GIGYF2: variants seen among roughly 807,000 people sequenced by gnomAD.
The protein encoded by GIGYF2 is GRB10 interacting GYF protein 2, also known as GRB10-interacting GYF protein 2.
In GIGYF2, 25 loss-of-function variants were observed where a neutral mutation model predicts 208.1. The ratio of observed to expected loss-of-function variants is 0.12; its 90% confidence interval spans 0.09 to 0.17. GIGYF2 has a LOEUF of 0.17. Among genes scored for constraint, GIGYF2 ranks in the 10% least tolerant of loss-of-function variants. The pLI is 1.00. For synonymous variants in GIGYF2, 534 were observed against 543.8 expected (o/e 0.98, Z 0.25); for missense variants, 1,302 against 1,579.4 (o/e 0.82, Z 2.98).
At chr2:232,731,487 C>T (rs1361683453) in intron 2 of GIGYF2, among the ~76,000 whole-genome samples, 2 of 152,162 alleles carry the variant, frequency 1.3e-5, no homozygotes, top group Non-Finnish European at 2.9e-5. Flanking sequence ...TAAAACCGCT[C>T]CTTCAGGATG....
intron 28 of GIGYF2, among the ~76,000 whole-genome samples, chr2:232,853,520 G>A (rs1355490451): frequency 6.6e-6 from 1 of 152,164 alleles, no homozygotes; most frequent in Non-Finnish European, 1.5e-5. Flanking sequence ...TGATCTGCCC[G>A]CCTTGGCCTG....
intron 2 of GIGYF2, among the ~76,000 whole-genome samples, chr2:232,709,328 G>A (rs1469657967): frequency 6.6e-6 from 1 of 152,090 alleles, no homozygotes; most frequent in Admixed American, 6.6e-5. Context: ...AATTTTGATT[G>A]CAAAATTTCA....
chr2:232,730,987 C>T (rs1301902431), intron 2 of GIGYF2: 2 of 151,726 alleles, frequency 1.3e-5, no homozygotes, highest in South Asian at 2.1e-4. Context: ...GTTGGGTTCC[C>T]AGCTCAAGAC....
intron 5 of GIGYF2, among the ~76,000 whole-genome samples, chr2:232,753,656 G>A (rs1325008145): frequency 7.2e-5 from 11 of 152,106 alleles, no homozygotes; most frequent in Non-Finnish European, 1.2e-4. Flanking sequence ...AATGTGTTGC[G>A]TGCTTGCAGT....
intron 8 of GIGYF2, among the ~76,000 whole-genome samples, chr2:232,769,835 A>G (rs2106337452): frequency 6.6e-6 from 1 of 152,342 alleles, no homozygotes; most frequent in South Asian, 2.1e-4. Flanking sequence ...AAATGTTATT[A>G]TAGTACTATA....
intron 16 of GIGYF2, chr2:232,810,404 A>T (rs778313149): frequency 1.9e-5 from 3 of 154,242 alleles, no homozygotes; most frequent in Non-Finnish European, 2.9e-5. Flanking sequence ...GAGGAAAAAA[A>T]ATATATATGT....
intron 8 of GIGYF2, among the ~76,000 whole-genome samples, chr2:232,770,602 T>C (rs1699197628): frequency 9.8e-6 from 1 of 102,324 alleles, no homozygotes; most frequent in African/African-American, 3.3e-5. Flanking sequence ...TTTAAACCTT[T>C]TGTTAATTTT....
At chr2:232,851,413 A>ATTTTTTTTTTT (rs5839451) in intron 28 of GIGYF2, among the ~76,000 whole-genome samples, 3 of 149,088 alleles carry the variant, frequency 2.0e-5, no homozygotes, top group Non-Finnish European at 1.5e-5. Flanking sequence ...TGAAACTAAC[A>ATTTTTTTTTTT]TTTTTTTTTT....
chr2:232,785,140 T>C (rs1050816113), intron 8 of GIGYF2, among the ~76,000 whole-genome samples: 2 of 152,066 alleles, frequency 1.3e-5, no homozygotes, highest in African/African-American at 4.8e-5. Flanking sequence ...TTTATAGCCA[T>C]GCAAAATGGA....
chr2:232,781,915 C>A (rs1409122735), intron 8 of GIGYF2, among the ~76,000 whole-genome samples: 2 of 152,146 alleles, frequency 1.3e-5, no homozygotes, highest in African/African-American at 2.4e-5. Context: ...TTACTGGTAT[C>A]CCTATCCTTG....
chr2:232,733,257 CAAAAA>C (rs397868481), intron 2 of GIGYF2, among the ~76,000 whole-genome samples: 1 of 91,202 alleles, frequency 1.1e-5, no homozygotes, highest in Non-Finnish European at 2.3e-5. Flanking sequence ...ACTCTTGTCT[CAAAAA>C]AAAAAAAAAA....
chr2:232,707,829 G>A (rs976440286), intron 2 of GIGYF2, among the ~76,000 whole-genome samples: 2 of 151,836 alleles, frequency 1.3e-5, no homozygotes, highest in Admixed American at 1.3e-4. Flanking sequence ...GTAGAGACTG[G>A]GTTTCACCAT....
At chr2:232,740,880 A>G (rs1697944982) in intron 3 of GIGYF2, among the ~76,000 whole-genome samples, 1 of 152,224 alleles carries the variant, frequency 6.6e-6, no homozygotes, top group Admixed American at 6.5e-5. Context: ...CTGAAGGAGT[A>G]GTAAATTAGA....
intron 3 of GIGYF2, among the ~76,000 whole-genome samples, chr2:232,742,618 A>G (rs1439392042): frequency 6.6e-6 from 1 of 152,198 alleles, no homozygotes; most frequent in African/African-American, 2.4e-5. Flanking sequence ...ATCGTTCAGG[A>G]TGCATTTGCA....
rs529326539 is a variant in GIGYF2, at chr2:232,726,778, A to G, written c.-43-8377A>G. 3.9e-5 allele frequency among the ~76,000 whole-genome samples: 6 copies of G among 152,334 alleles called. No individual in the cohort carries two copies. The South Asian group carries it at 1.2e-3, about 32-fold the overall frequency. On this transcript the variant is annotated intron_variant, in intron 2 of 28. Transcript: ENST00000373563. ...CTCCATACCTCTAGTTCTTCTTTCT[A>G]GAGGACTATCACTTAGGTGAACTTC...
At chr2:232,774,865 C>G (rs555011482) in intron 8 of GIGYF2, among the ~76,000 whole-genome samples, 18 of 152,184 alleles carry the variant, frequency 1.2e-4, no homozygotes, top group Non-Finnish European at 2.5e-4. Flanking sequence ...TAGAGCCTTT[C>G]TGTATAGACT....
intron 2 of GIGYF2, among the ~76,000 whole-genome samples, chr2:232,711,373 T>G (rs117303141): frequency 0.027 from 4,096 of 151,654 alleles, 68 homozygotes; most frequent in Non-Finnish European, 0.032. Flanking sequence ...TCTTAGGATC[T>G]CTTTACCCTC....
intron 23 of GIGYF2, 104 bp downstream of exon 23, chr2:232,840,075 G>A (rs912568727): frequency 1.6e-6 from 2 of 1,230,068 alleles, no homozygotes; most frequent in African/African-American, 3.0e-5. Context: ...CAGAATTGTT[G>A]TGTGTCTGAA....
Position 232,847,499 on chromosome 2 carries a change from T to TCAG in GIGYF2, c.3623_3625dup (p.Gln1208dup), listed in dbSNP as rs1559167931. ...CCAAACAGAAAGCCAACCAGCAGCG[T>TCAG]CAGCAGCAGCAGCTGCCACAGCAGC... On this transcript the variant is annotated inframe_insertion, in exon 27 of 29. Transcript: ENST00000373563. 5.1e-6 allele frequency: 8 copies of TCAG among 1,582,650 alleles called. No homozygotes were observed. In the Admixed American group the frequency reaches 5.3e-5, roughly 11 times the overall value.
Sources: gnomAD v4.1 joint callset for allele counts (sites outside exome capture counted in the v4.1 genomes callset) on GRCh38, gnomAD v4.1.1 for gene constraint, MANE v1.5 for transcripts, NCBI Gene and HGNC (gene_info 2026-07-23, HGNC 2026-07-21) for gene names.